Variants in SLC11A2 observed in about 807,000 individuals in gnomAD.
The protein encoded by SLC11A2 is natural resistance-associated macrophage protein 2.
A neutral mutation model predicts 68.0 loss-of-function variants in SLC11A2; 38 were observed. The observed-to-expected ratio is 0.56, with a 90% CI of 0.43 to 0.73. SLC11A2 has a LOEUF of 0.73. SLC11A2 is among the 30% of genes least tolerant of loss of function. The probability of loss-of-function intolerance (pLI) is 0.00; values close to 1 mark genes in which losing one functional copy is unlikely to be tolerated. For synonymous variants in SLC11A2, 242 were observed against 250.6 expected (o/e 0.97, Z 0.32); for missense variants, 517 against 690.5 (o/e 0.75, Z 2.82).
At chr12:50,983,422 AG>A (rs1196595014), downstream of SLC11A2, among the ~76,000 whole-genome samples, 1 of 152,202 alleles carries the variant, frequency 6.6e-6, no homozygotes, top group Non-Finnish European at 1.5e-5. Flanking sequence ...TGTAATATAA[AG>A]GCACTGGAGT....
In SLC11A2 at chr12:50,988,181, C is replaced by A. The variant is rs771763859; in HGVS notation, c.*144G>T. The A allele has an allele frequency of 1.9e-6, 3 of 1,542,088 alleles. No individual in the cohort carries two copies. In the African/African-American group the frequency reaches 4.1e-5, roughly 21 times the overall value. On this transcript the variant is annotated 3_prime_UTR_variant, in exon 16 of 16. Transcript: ENST00000262052. ...AAAATAATTCCATCTTTCAAATACA[C>A]ATGAAACAAAGTCTTTTCCAACCAA...
the SLC11A2 span, among the ~76,000 whole-genome samples, chr12:50,963,181 T>C: frequency 7.3e-5 from 11 of 151,010 alleles, no homozygotes; most frequent in South Asian, 2.1e-3. Context: ...ACAAGCCTGG[T>C]CAACATGGTG....
the SLC11A2 span, among the ~76,000 whole-genome samples, chr12:50,956,867 C>T: frequency 6.6e-6 from 1 of 152,142 alleles, no homozygotes; most frequent in East Asian, 1.9e-4. Context: ...GAGCAGGAAG[C>T]ATGTTCAGTT....
chr12:50,983,022 G>A (rs1250597480), downstream of SLC11A2, among the ~76,000 whole-genome samples: 1 of 151,596 alleles, frequency 6.6e-6, no homozygotes, highest in Non-Finnish European at 1.5e-5. Context: ...GACCTGTGAA[G>A]TTGTTATTTT....
upstream of SLC11A2, among the ~76,000 whole-genome samples, chr12:51,026,714 A>G (rs1944411328): frequency 6.6e-6 from 1 of 152,112 alleles, no homozygotes; most frequent in Non-Finnish European, 1.5e-5. Context: ...CAATCAAGCT[A>G]CGAGGTATAG....
intron 1 of SLC11A2, among the ~76,000 whole-genome samples, chr12:51,017,709 T>C (rs1943757092): frequency 6.6e-6 from 1 of 152,230 alleles, no homozygotes; most frequent in South Asian, 2.1e-4. Context: ...CTGCAATAGA[T>C]AATCAGAAGT....
At chr12:50,977,161 G>A (rs1457353826), downstream of SLC11A2, among the ~76,000 whole-genome samples, 1 of 152,032 alleles carries the variant, frequency 6.6e-6, no homozygotes, top group Non-Finnish European at 1.5e-5. Flanking sequence ...AGTTCATATG[G>A]AACCAAAAAA....
At position 50,990,771 on chromosome 12, in the gene SLC11A2, C is replaced by T. The variant is rs17216093; in HGVS notation, c.1575+24G>A. ...CTCAACCATCCCTGATACCTATGCC[C>T]CTGCTCTTCCAGGCTAGACTTACCA... On this transcript the variant is annotated intron_variant, in intron 15 of 15. Coordinates refer to ENST00000262052, the MANE Select transcript of SLC11A2 (RefSeq NM_000617.3). 3.0e-3 allele frequency: 4,774 copies of T among 1,613,336 alleles called. 126 individuals are homozygous for T. The African/African-American group carries it at 0.056, about 19-fold the overall frequency.
chr12:51,025,263 G>A (rs144883944), intron 1 of SLC11A2, among the ~76,000 whole-genome samples: 1 of 152,298 alleles, frequency 6.6e-6, no homozygotes, highest in African/African-American at 2.4e-5. Context: ...TAAGGGGAAA[G>A]AAGGTAACAA....
intron 1 of SLC11A2, among the ~76,000 whole-genome samples, chr12:51,017,352 CAT>C (rs1336456907): frequency 6.6e-6 from 1 of 152,076 alleles, no homozygotes; most frequent in African/African-American, 2.4e-5. Flanking sequence ...TAAAATATTA[CAT>C]GTTGTCAAGT....
chr12:51,002,420 C>A (rs912440204), intron 5 of SLC11A2, among the ~76,000 whole-genome samples: 1 of 151,952 alleles, frequency 6.6e-6, no homozygotes, highest in African/African-American at 2.4e-5. Context: ...AAGTGGATCA[C>A]TTGAGGTCTG....
chr12:51,002,165 T>C (rs985036717), intron 5 of SLC11A2, among the ~76,000 whole-genome samples: 9 of 152,014 alleles, frequency 5.9e-5, no homozygotes, highest in Non-Finnish European at 8.8e-5. Context: ...CTTGGCAACA[T>C]GGCAAAACCC....
Position 50,992,897 on chromosome 12 carries a change from A to G in SLC11A2, c.1110T>C (p.Ala370=). The part of the protein sequence containing the change: ...GVVLGCYFGP[A]ALYIWAVGIL... ...TCCCCACTGCCCAAATGTAGAGTGC[A>G]GCAGGCCCAAAGTAACATCCCAGCA... The change falls in exon 12 of 16, where the codon GCT becomes GCC. Residue 370 remains alanine (A), a synonymous_variant. Transcript: ENST00000262052. 1 of 1,614,074 alleles carries G rather than the reference A, an allele frequency of 6.2e-7. No homozygotes were observed. Among genetic ancestry groups the G allele is most frequent in the East Asian group, 2.2e-5 (1 of 44,870 alleles).
the SLC11A2 span, among the ~76,000 whole-genome samples, chr12:50,962,285 T>C: frequency 2.6e-5 from 4 of 151,730 alleles, no homozygotes; most frequent in African/African-American, 9.7e-5. Flanking sequence ...GGCACATGCC[T>C]GTAATCCCAG....
chr12:50,959,673 A>G, the SLC11A2 span, among the ~76,000 whole-genome samples: 1 of 152,060 alleles, frequency 6.6e-6, no homozygotes, highest in African/African-American at 2.4e-5. Context: ...TTTAAAACAA[A>G]GTCTTGCTCT....
chr12:50,999,540 G>A, intron 6 of SLC11A2, 125 bp from the exon 7 acceptor site: 1 of 780,172 alleles, frequency 1.3e-6, no homozygotes, highest in South Asian at 1.4e-5. Flanking sequence ...AGGGAGGAGG[G>A]ACAATGGCAG....
At chr12:51,003,364 C>T (rs993758185) in intron 5 of SLC11A2, among the ~76,000 whole-genome samples, 2 of 151,902 alleles carry the variant, frequency 1.3e-5, no homozygotes, top group African/African-American at 2.4e-5. Context: ...ATGGTAAAAC[C>T]TCATCTCTAC....
chr12:51,015,020 C>A (rs1000301668), intron 1 of SLC11A2, among the ~76,000 whole-genome samples: 3 of 151,008 alleles, frequency 2.0e-5, no homozygotes, highest in African/African-American at 2.4e-5. Flanking sequence ...AGTTAGCCAG[C>A]GTGGTGGCGC....
At chr12:50,969,716 C>A in the SLC11A2 span, among the ~76,000 whole-genome samples, 13,184 of 141,714 alleles carry the variant, frequency 0.093, 880 homozygotes, top group African/African-American at 0.19. Flanking sequence ...AAAAAAAAAA[C>A]AAAAACAAAA....
Sources: allele counts gnomAD v4.1 joint callset (sites outside exome capture counted in the v4.1 genomes callset), GRCh38; gene constraint gnomAD v4.1.1; transcripts MANE v1.5; gene names NCBI Gene and HGNC (gene_info 2026-07-23, HGNC 2026-07-21).